The following SBNO1 variants were observed in gnomAD, a reference collection of about 807,000 sequenced individuals.
The protein encoded by SBNO1 is strawberry notch homolog 1.
SBNO1 carries 23 observed loss-of-function variants against 173.6 expected under a neutral mutation model. That is an observed-to-expected ratio of 0.13 (90% CI 0.10 to 0.19). The LOEUF (loss-of-function observed/expected upper bound fraction) is 0.19, where lower values mean the gene tolerates loss of function less well. Among genes scored for constraint, SBNO1 ranks in the 10% least tolerant of loss-of-function variants. The pLI, the probability that SBNO1 is intolerant of heterozygous loss-of-function variation, is 1.00. For synonymous variants in SBNO1, 632 were observed against 571.5 expected (o/e 1.11, Z -1.51); for missense variants, 1,238 against 1,671.2 (o/e 0.74, Z 4.52).
At chr12:123,360,877 C>T (rs545607635) in intron 1 of SBNO1, among the ~76,000 whole-genome samples, 46 of 152,236 alleles carry the variant, frequency 3.0e-4, no homozygotes, top group African/African-American at 1.0e-3. Context: ...TTTTGGGACG[C>T]CAAGGCAGGC....
At chr12:123,296,158 A>T in intron 31 of SBNO1, 108 bp from the exon 32 acceptor site, 2 of 650,078 alleles carry the variant, frequency 3.1e-6, no homozygotes, top group Non-Finnish European at 5.4e-6. Flanking sequence ...ATGGACAAGA[A>T]GTTCACACAA....
In SBNO1 at chr12:123,292,330, C is replaced by G. The variant is rs1238673971; in HGVS notation, c.*3578G>C. 3 of 152,220 alleles carry G rather than the reference C, an allele frequency of 2.0e-5. No homozygotes were observed. The highest frequency in any genetic ancestry group is 7.2e-5 in the African/African-American group (3 of 41,454). The allele number at this position is 152,220 out of a possible 1,614,324, so 9.4% of individuals were successfully genotyped here. ...ATGTGTATGGGGACCTTCCTCTTGACTGCTTGTCAAGAAAAGGATCCAGAG... is the reference window on the plus strand; with the variant it reads ...ATGTGTATGGGGACCTTCCTCTTGAGTGCTTGTCAAGAAAAGGATCCAGAG... On this transcript the variant is annotated 3_prime_UTR_variant, in exon 32 of 32. Coordinates refer to ENST00000602398, the MANE Select transcript of SBNO1 (RefSeq NM_001167856.3).
chr12:123,293,922 G>T lies in SBNO1; in HGVS notation c.*1986C>A, dbSNP rs61953419. On this transcript the variant is annotated 3_prime_UTR_variant, in exon 32 of 32. Coordinates refer to ENST00000602398, the MANE Select transcript of SBNO1 (RefSeq NM_001167856.3). Reference sequence around the variant, plus strand: ...GCGACTGCACCTCCACCACTGGAGTGGGGGACACTTCCATTGCTGATGGAA... The same window carrying T: ...GCGACTGCACCTCCACCACTGGAGTTGGGGACACTTCCATTGCTGATGGAA... 4,196 of 152,328 alleles carry T rather than the reference G, an allele frequency of 0.028. 92 individuals are homozygous for T. Among genetic ancestry groups the T allele is most frequent in the South Asian group, 0.053 (257 of 4,824 alleles). The allele number at this position is 152,328 out of a possible 1,614,324, so 9.4% of individuals were successfully genotyped here.
chr12:123,332,613 C>T (rs941073648), intron 7 of SBNO1, among the ~76,000 whole-genome samples: 2 of 152,076 alleles, frequency 1.3e-5, no homozygotes, highest in Non-Finnish European at 2.9e-5. Flanking sequence ...GTCGTCCAGG[C>T]TGGAGTGCAG....
intron 1 of SBNO1, among the ~76,000 whole-genome samples, chr12:123,362,979 C>A (rs997024793): frequency 1.3e-5 from 2 of 151,872 alleles, no homozygotes; most frequent in Non-Finnish European, 2.9e-5. Flanking sequence ...CCCAGCTACT[C>A]CGGAGGCTGA....
At chr12:123,338,794 A>G (rs1872162224) in intron 5 of SBNO1, among the ~76,000 whole-genome samples, 1 of 151,956 alleles carries the variant, frequency 6.6e-6, no homozygotes, top group African/African-American at 2.4e-5. Flanking sequence ...AATCACTTGA[A>G]CCTGGGAGGC....
chr12:123,360,282 A>T (rs1221311076), intron 1 of SBNO1, among the ~76,000 whole-genome samples: 2 of 151,964 alleles, frequency 1.3e-5, no homozygotes, highest in Admixed American at 6.6e-5. Flanking sequence ...CACCAACTTT[A>T]GAAAGGCAAA....
Position 123,320,842 on chromosome 12 carries a change from T to C in SBNO1, c.2348A>G (p.His783Arg). The change falls in exon 18 of 32, where the codon CAC (histidine) becomes CGC (arginine). Residue 783 changes from histidine (H) to arginine (R), a missense_variant. Physicochemically the swap from His to Arg is conservative, Grantham distance 29 (BLOSUM62 0). This residue lies in a region of SBNO1 where 33 missense variants were observed against 29.6 expected (regional missense o/e 1.11). Coordinates refer to ENST00000602398, the MANE Select transcript of SBNO1 (RefSeq NM_001167856.3). ...CTTTTTTTTCTCTTTGTTTTTCTTG[T>C]GGTCTTTTCTAATTAACCAGGGATC... is the stretch of plus-strand genomic sequence containing the variant. ...ENDPWLIRKDHKKNKEKKKKK... is the reference protein window; with the variant it reads ...ENDPWLIRKDRKKNKEKKKKK... The C allele has an allele frequency of 5.0e-6, 8 of 1,587,038 alleles. No individual in the cohort carries two copies. Among genetic ancestry groups the C allele is most frequent in the Non-Finnish European group, 6.8e-6 (8 of 1,169,574 alleles).
intron 31 of SBNO1, among the ~76,000 whole-genome samples, chr12:123,296,810 C>G (rs1462858994): frequency 6.6e-6 from 1 of 151,652 alleles, no homozygotes; most frequent in South Asian, 2.1e-4. Flanking sequence ...CCACCTGCCT[C>G]GGCCTCCCAA....
intron 30 of SBNO1, 80 bp from the exon 31 acceptor site, chr12:123,298,251 C>G: frequency 3.0e-6 from 4 of 1,353,620 alleles, no homozygotes; most frequent in Non-Finnish European, 4.0e-6. Flanking sequence ...ACAAGGTCAA[C>G]TCAAATTTCT....
intron 1 of SBNO1, among the ~76,000 whole-genome samples, chr12:123,357,321 G>A (rs546438501): frequency 2.0e-5 from 3 of 151,604 alleles, no homozygotes; most frequent in East Asian, 3.9e-4. Flanking sequence ...GCATGGTGGC[G>A]TGCCTGTAAT....
At chr12:123,312,039 C>T (rs979944142) in intron 24 of SBNO1, among the ~76,000 whole-genome samples, 1 of 151,930 alleles carries the variant, frequency 6.6e-6, no homozygotes, top group African/African-American at 2.4e-5. Context: ...TGCGCCTAGC[C>T]ATAACCTGTA....
intron 1 of SBNO1, among the ~76,000 whole-genome samples, chr12:123,353,576 TAA>T (rs1187671325): frequency 6.6e-6 from 1 of 152,176 alleles, no homozygotes; most frequent in Non-Finnish European, 1.5e-5. Flanking sequence ...AGATTTCAAA[TAA>T]AGTTGTTTGC....
chr12:123,355,863 G>C (rs1220688138), intron 1 of SBNO1, among the ~76,000 whole-genome samples: 1 of 152,168 alleles, frequency 6.6e-6, no homozygotes, highest in Non-Finnish European at 1.5e-5. Context: ...TCTATGATAA[G>C]TAAGACACAA....
rs1188326289 is a variant in SBNO1, at chr12:123,295,005, T to C, written c.*903A>G. 3 of 152,256 alleles carry C rather than the reference T, an allele frequency of 2.0e-5. No individual in the cohort carries two copies. Among genetic ancestry groups the C allele is most frequent in the African/African-American group, 7.2e-5 (3 of 41,474 alleles). 9.4% of individuals were successfully genotyped at this position (152,256 alleles called of 1,614,324 possible). A position where few individuals can be genotyped will look rare whatever the true frequency, so the allele number is the denominator to read the frequency against. Reference sequence around the variant, plus strand: ...GATAATGAAGTAAAAAACGATTGTTTGCAAGATGAAAGCCAATTTGTACTT... The same window carrying C: ...GATAATGAAGTAAAAAACGATTGTTCGCAAGATGAAAGCCAATTTGTACTT... On this transcript the variant is annotated 3_prime_UTR_variant, in exon 32 of 32. Coordinates refer to ENST00000602398, the MANE Select transcript of SBNO1 (RefSeq NM_001167856.3).
intron 9 of SBNO1, 122 bp downstream of exon 9, chr12:123,330,297 T>G: frequency 1.5e-6 from 1 of 659,406 alleles, no homozygotes; most frequent in South Asian, 1.7e-5. Flanking sequence ...CACTATGCTT[T>G]CTGTGGAGTA....
At chr12:123,317,101 A>T in intron 21 of SBNO1, 120 bp downstream of exon 21, 1 of 1,029,810 alleles carries the variant, frequency 9.7e-7, no homozygotes, top group Admixed American at 2.1e-5. Flanking sequence ...GCCTCCCGAA[A>T]TGTTGGAATT....
At chr12:123,311,236 AC>A in intron 24 of SBNO1, 107 bp from the exon 25 acceptor site, 1 of 759,362 alleles carries the variant, frequency 1.3e-6, no homozygotes. Context: ...TTTTAAAAAA[AC>A]ACCTTGATAT....
In SBNO1 at chr12:123,341,011, T is replaced by C. The variant is rs781492314; in HGVS notation, c.628A>G (p.Met210Val). ...GARMWINDMK[M>V]RSFSPTMKVP... ...ACCATGGTTGGGGAAAAACTCCTCA[T>C]CTTCATGTCGTTTATCCACATTCTA... Residue 210 changes from methionine (M) to valine (V), a missense_variant, in exon 5 of 32, where the codon ATG becomes GTG. Met to Val is a conservative substitution (Grantham distance 21). This residue lies in a region of SBNO1 where 287 missense variants were observed against 274.1 expected (regional missense o/e 1.05). Coordinates refer to ENST00000602398, the MANE Select transcript of SBNO1 (RefSeq NM_001167856.3). The C allele has an allele frequency of 1.3e-6, 2 of 1,599,100 alleles. No homozygotes were observed. The highest frequency in any genetic ancestry group is 8.5e-7 in the Non-Finnish European group (1 of 1,169,820).
Sources: allele counts gnomAD v4.1 joint callset (sites outside exome capture counted in the v4.1 genomes callset), GRCh38; gene constraint gnomAD v4.1.1; regional missense constraint gnomAD v4.1.1; transcripts MANE v1.5; gene names NCBI Gene and HGNC (gene_info 2026-07-23, HGNC 2026-07-21).